The following BCAS3 variants were observed in gnomAD, a reference collection of about 807,000 sequenced individuals.
The protein encoded by BCAS3 is BCAS3 microtubule associated cell migration factor, also known as BCAS4/BCAS3 fusion.
Under a neutral mutation model 116.1 loss-of-function variants are expected in BCAS3, and 53 were observed. The ratio of observed to expected loss-of-function variants is 0.46; its 90% CI spans 0.37 to 0.57. The LOEUF (loss-of-function observed/expected upper bound fraction) is 0.57, where lower values mean the gene tolerates loss of function less well. Ranked by LOEUF, BCAS3 falls within the 20% of genes least tolerant of loss-of-function variation. BCAS3 has a pLI of 0.00. For synonymous variants in BCAS3, 391 were observed against 408.2 expected (o/e 0.96, Z 0.51); for missense variants, 917 against 1,165.4 (o/e 0.79, Z 3.10).
At chr17:60,943,428 G>T (rs1005516755) in intron 13 of BCAS3, among the ~76,000 whole-genome samples, 1 of 152,028 alleles carries the variant, frequency 6.6e-6, no homozygotes, top group Non-Finnish European at 1.5e-5. Flanking sequence ...AAACAAAGTT[G>T]GAGTGGTAAA....
At chr17:61,246,076 A>G (rs1367078876) in intron 22 of BCAS3, among the ~76,000 whole-genome samples, 1 of 152,148 alleles carries the variant, frequency 6.6e-6, no homozygotes, top group Non-Finnish European at 1.5e-5. Context: ...GGCCTACCTC[A>G]CACACTGACA....
intron 19 of BCAS3, among the ~76,000 whole-genome samples, chr17:61,067,740 A>ATAT (rs1555697138): frequency 0.011 from 1,494 of 133,648 alleles, 40 homozygotes; most frequent in African/African-American, 0.047. Flanking sequence ...AAAAAAAAAA[A>ATAT]ATATATATAT....
At chr17:61,385,910 A>C (rs56032671) in intron 23 of BCAS3, among the ~76,000 whole-genome samples, 1,732 of 152,310 alleles carry the variant, frequency 0.011, 10 homozygotes, top group Non-Finnish European at 0.018. Context: ...TTGATTAAAA[A>C]GAAAGAATCC....
At chr17:60,779,665 G>A (rs949892374) in intron 6 of BCAS3, among the ~76,000 whole-genome samples, 4 of 151,912 alleles carry the variant, frequency 2.6e-5, no homozygotes, top group African/African-American at 9.7e-5. Flanking sequence ...CATCGCGCCC[G>A]GCAGAATTTC....
intron 22 of BCAS3, among the ~76,000 whole-genome samples, chr17:61,143,001 A>C (rs1437088587): frequency 6.6e-6 from 1 of 152,044 alleles, no homozygotes; most frequent in Non-Finnish European, 1.5e-5. Context: ...CCCTTTTAGA[A>C]TCTCCCTCAC....
chr17:60,778,087 T>C (rs1453406126), intron 6 of BCAS3, among the ~76,000 whole-genome samples: 4 of 152,194 alleles, frequency 2.6e-5, no homozygotes, highest in Non-Finnish European at 2.9e-5. Context: ...TACAAGTCAT[T>C]TGTTGGATAT....
chr17:60,757,048 A>G (rs2043051436), intron 6 of BCAS3, among the ~76,000 whole-genome samples: 1 of 152,072 alleles, frequency 6.6e-6, no homozygotes, highest in Non-Finnish European at 1.5e-5. Context: ...CTGTAGTCGC[A>G]GCTACTCGGG....
At chr17:61,240,974 CTT>C (rs1368912798) in intron 22 of BCAS3, among the ~76,000 whole-genome samples, 3 of 152,206 alleles carry the variant, frequency 2.0e-5, no homozygotes, top group Non-Finnish European at 4.4e-5. Context: ...ATATGCCACT[CTT>C]ACTGGGGAGC....
At position 60,747,181 on chromosome 17, in the gene BCAS3, T is replaced by G; in HGVS notation, c.322-17T>G. On this transcript the variant is annotated splice_polypyrimidine_tract_variant and intron_variant, in intron 5 of 23. Transcript: ENST00000407086. ...TTCATTTTCCCACTGAAATATTTTC[T>G]TTCTTCTCTTATGCAGATCAGTGGT... The G allele has an allele frequency of 6.4e-7, 1 of 1,560,492 alleles. No individual in the cohort carries two copies. Among genetic ancestry groups the G allele is most frequent in the South Asian group, 1.1e-5 (1 of 88,072 alleles).
chr17:60,823,713 G>A (rs1014412286), intron 7 of BCAS3, among the ~76,000 whole-genome samples: 1 of 152,114 alleles, frequency 6.6e-6, no homozygotes, highest in Non-Finnish European at 1.5e-5. Flanking sequence ...AAATAGTCAC[G>A]GTGTTTGAGA....
intron 7 of BCAS3, among the ~76,000 whole-genome samples, chr17:60,835,108 T>C (rs2051256708): frequency 6.6e-6 from 1 of 151,982 alleles, no homozygotes; most frequent in African/African-American, 2.4e-5. Flanking sequence ...AAGAAAGCGA[T>C]AAAATAGGAA....
At chr17:60,979,711 G>T (rs1353081083) in intron 14 of BCAS3, among the ~76,000 whole-genome samples, 2 of 151,946 alleles carry the variant, frequency 1.3e-5, no homozygotes, top group East Asian at 3.8e-4. Context: ...ATGAAGGGTT[G>T]TTGAATTTTG....
chr17:61,130,083 T>C lies in BCAS3; in HGVS notation c.2425+45519T>C, dbSNP rs9890827. Among the ~76,000 whole-genome samples, 130,640 of 152,212 alleles carry C rather than the reference T, an allele frequency of 0.86. 59,563 individuals carry two copies. The highest frequency in any genetic ancestry group is 1 in the East Asian group (5,178 of 5,178). ...ACTCAGACAGCTGGCAGGTCCAAGA[T>C]AGAGCATATGGATGATGCTCTAATG... On this transcript the variant is annotated intron_variant, in intron 22 of 23. Transcript: ENST00000407086. This position sits in a 1 kb window ranked among gnomAD's most constrained non-coding sequence, Gnocchi z 5.0.
At position 60,788,146 on chromosome 17, in the gene BCAS3, G is replaced by A. The variant is rs559339323; in HGVS notation, c.404-19858G>A. Among the ~76,000 whole-genome samples the A allele has an allele frequency of 3.9e-5, 6 of 152,170 alleles. No homozygotes were observed. In the South Asian group the frequency reaches 6.2e-4, roughly 16 times the overall value. ...AAACACTAAGGGATTAAATGCAGAC[G>A]CCTTTATCAATAATTTTGTTTACAA... On this transcript the variant is annotated intron_variant, in intron 6 of 23. Transcript: ENST00000407086.
chr17:61,365,041 C>T lies in BCAS3; in HGVS notation c.2426-3286C>T, dbSNP rs548274689. ...CACTCACTGTGTGTCAGGTCTTTTA[C>T]ATTTATCTACTGCAGTCCTCACAAC... On this transcript the variant is annotated intron_variant, in intron 22 of 23. Transcript: ENST00000407086. This position sits in a 1 kb window ranked among gnomAD's most constrained non-coding sequence, Gnocchi z 4.6. Among the ~76,000 whole-genome samples the T allele has an allele frequency of 6.6e-6, 1 of 152,308 alleles. No homozygotes were observed. The highest frequency in any genetic ancestry group is 2.1e-4 in the South Asian group (1 of 4,828).
In BCAS3 at chr17:61,256,306, T is replaced by C. The variant is rs938724046; in HGVS notation, c.2426-112021T>C. Among the ~76,000 whole-genome samples the C allele has an allele frequency of 2.0e-5, 3 of 152,112 alleles. No homozygotes were observed. Among genetic ancestry groups the C allele is most frequent in the African/African-American group, 7.2e-5 (3 of 41,402 alleles). ...TTTCATTTATTTTTATTTATTTTATTTTATTTTTATTTTTTGAGGCAGAGT... is the reference window on the plus strand; with the variant it reads ...TTTCATTTATTTTTATTTATTTTATCTTATTTTTATTTTTTGAGGCAGAGT... On this transcript the variant is annotated intron_variant, in intron 22 of 23. Coordinates refer to ENST00000407086, the MANE Select transcript of BCAS3 (RefSeq NM_017679.5). This position sits in a 1 kb window ranked among gnomAD's most constrained non-coding sequence, Gnocchi z 5.6.
At chr17:60,679,054 T>C (rs1376152211) in intron 1 of BCAS3, among the ~76,000 whole-genome samples, 2 of 152,142 alleles carry the variant, frequency 1.3e-5, no homozygotes, top group Admixed American at 1.3e-4. Flanking sequence ...TGAAACCCCG[T>C]CGCTACAAAA....
intron 22 of BCAS3, among the ~76,000 whole-genome samples, chr17:61,268,896 A>G (rs1441497064): frequency 6.6e-6 from 1 of 152,034 alleles, no homozygotes; most frequent in Non-Finnish European, 1.5e-5. Context: ...TTCACCTAGC[A>G]TGATGTCCTC....
In BCAS3 at chr17:61,361,823, A is replaced by G. The variant is rs2058467337; in HGVS notation, c.2426-6504A>G. 6.6e-6 allele frequency: 1 copy of G among 152,190 alleles called. No homozygotes were observed. The highest frequency in any genetic ancestry group is 2.4e-5 in the African/African-American group (1 of 41,446). 9.4% of individuals were successfully genotyped at this position (152,190 alleles called of 1,614,324 possible). ...GTCCAAGTTCAAAGGCCTGAGAACC[A>G]GGAGTACCAGTGTCCAAGGGCAGGA... is the stretch of plus-strand genomic sequence containing the variant. On this transcript the variant is annotated intron_variant, in intron 22 of 23. Coordinates refer to ENST00000407086, the MANE Select transcript of BCAS3 (RefSeq NM_017679.5). This position sits in a 1 kb window ranked among gnomAD's most constrained non-coding sequence, Gnocchi z 6.5.
Sources: gnomAD v4.1 joint callset for allele counts (sites outside exome capture counted in the v4.1 genomes callset) on GRCh38, gnomAD v4.1.1 for gene constraint, Gnocchi (gnomAD v3.1) non-coding constraint, MANE v1.5 for transcripts, NCBI Gene and HGNC (gene_info 2026-07-23, HGNC 2026-07-21) for gene names.